The following PLXNA1 variants were observed in gnomAD, a reference collection of about 807,000 sequenced individuals.
PLXNA1 encodes the protein plexin-A1.
Under a neutral mutation model 191.7 loss-of-function variants are expected in PLXNA1, and 77 were observed. That is an observed-to-expected ratio of 0.40 (90% confidence interval 0.33 to 0.49). The LOEUF (loss-of-function observed/expected upper bound fraction) is 0.49, where lower values mean the gene tolerates loss of function less well. Ranked by LOEUF, PLXNA1 falls within the 20% of genes least tolerant of loss-of-function variation. The probability of loss-of-function intolerance (pLI) is 0.63; values close to 1 mark genes in which losing one functional copy is unlikely to be tolerated. For synonymous variants in PLXNA1, 1,137 were observed against 1,156.4 expected (o/e 0.98, Z 0.34); for missense variants, 2,110 against 2,660.2 (o/e 0.79, Z 4.55).
intron 5 of PLXNA1, 61 bp from the exon 6 acceptor site, chr3:127,004,824 G>A (rs953445959): frequency 1.7e-5 from 26 of 1,571,528 alleles, no homozygotes; most frequent in Middle Eastern, 2.1e-4. Context: ...CCCAGGTCCC[G>A]CCTGGCAGGC....
At chr3:127,027,848 G>C (rs754123948) in intron 23 of PLXNA1, 92 bp from the exon 24 acceptor site, 1 of 1,553,466 alleles carries the variant, frequency 6.4e-7, no homozygotes, top group Non-Finnish European at 8.8e-7. Context: ...CTCCTTGCCA[G>C]GAACACCATG....
intron 21 of PLXNA1, 45 bp from the exon 22 acceptor site, chr3:127,022,040 G>A: frequency 8.8e-6 from 14 of 1,587,000 alleles, no homozygotes; most frequent in Non-Finnish European, 1.2e-5. Flanking sequence ...TTGGGGGCTG[G>A]GGCTGGGTGC....
intron 9 of PLXNA1, among the ~76,000 whole-genome samples, chr3:127,011,281 C>T (rs554919483): frequency 1.3e-5 from 2 of 152,262 alleles, no homozygotes; most frequent in African/African-American, 4.8e-5. Flanking sequence ...GTCATCTTGC[C>T]CAGCTGGGCC....
At chr3:127,024,066 G>T (rs972742606) in intron 23 of PLXNA1, among the ~76,000 whole-genome samples, 15 of 152,208 alleles carry the variant, frequency 9.9e-5, no homozygotes, top group African/African-American at 3.4e-4. Context: ...CCTGTAGAAA[G>T]TACAGTTCTA....
In PLXNA1 at chr3:126,989,057, G is replaced by A. The variant is rs1243844299; in HGVS notation, c.464G>A (p.Arg155His). 3.1e-6 allele frequency: 5 copies of A among 1,613,372 alleles called. No homozygotes were observed. The highest frequency in any genetic ancestry group is 4.2e-6 in the Non-Finnish European group (5 of 1,180,020). The change falls in exon 2 of 32, where the codon CGT becomes CAT. Residue 155 changes from arginine to histidine, a missense_variant. Arg to His is a conservative substitution (Grantham distance 29, BLOSUM62 0). This residue lies in a region of PLXNA1 where 903 missense variants were observed against 1,015.7 expected (regional missense o/e 0.89). Coordinates refer to ENST00000393409, the MANE Select transcript of PLXNA1 (RefSeq NM_032242.4). ...DLFKLGEPHH[R>H]KEHYLSSVQE... ...TTCAAACTGGGTGAGCCACACCACC[G>A]TAAGGAGCACTACCTGTCCAGCGTG...
chr3:126,995,536 G>T lies in PLXNA1; in HGVS notation c.1377+3970G>T, dbSNP rs147608205. 3.3e-5 allele frequency among the ~76,000 whole-genome samples: 5 copies of T among 152,388 alleles called. No homozygotes were observed. In the East Asian group the frequency reaches 9.6e-4, roughly 29 times the overall value. On this transcript the variant is annotated intron_variant, in intron 3 of 31. Transcript: ENST00000393409. ...CCTGCTCTGGTCCTGCTGCTGCTGC[G>T]GGGCAAAAGGAGCCAGCCCCTGGCT...
chr3:127,001,172 C>G (rs544453722), intron 3 of PLXNA1, among the ~76,000 whole-genome samples: 4 of 152,274 alleles, frequency 2.6e-5, no homozygotes, highest in Admixed American at 6.5e-5. Context: ...GCACCCCTCA[C>G]CCACCGTTCC....
intron 29 of PLXNA1, among the ~76,000 whole-genome samples, chr3:127,031,279 G>A (rs1319202085): frequency 2.6e-5 from 4 of 152,240 alleles, no homozygotes; most frequent in African/African-American, 4.8e-5. Flanking sequence ...TCCCTGCTGT[G>A]TGTGTGGCCC....
At position 127,022,066 on chromosome 3, in the gene PLXNA1, G is replaced by A. The variant is rs201071513; in HGVS notation, c.4039-19G>A. The A allele has an allele frequency of 1.1e-4, 171 of 1,606,764 alleles. 1 individual carries two copies. In the East Asian group the frequency reaches 3.2e-3, roughly 30 times the overall value. ...GGCTGGGTGCTTCTCTGTGGTCTGA[G>A]CTCTGTGTGCTCCCTCAGGTGCAGG... On this transcript the variant is annotated intron_variant, in intron 21 of 31. Transcript: ENST00000393409.
chr3:127,014,024 C>G lies in PLXNA1; in HGVS notation c.2318C>G (p.Ser773Cys). ...SSLQCQNSSY[S>C]YEGNDVSDLP... Reference sequence around the variant, plus strand: ...GACGGTGCCATCACCTAACAGTACTCCTACGAGGGGAACGATGTCAGCGAC... The same window carrying G: ...GACGGTGCCATCACCTAACAGTACTGCTACGAGGGGAACGATGTCAGCGAC... The change falls in exon 11 of 32, where the codon TCC becomes TGC. Residue 773 changes from serine to cysteine, a missense_variant. By Grantham distance (112) the Ser-to-Cys change is moderately radical. This residue lies in a region of PLXNA1 where 644 missense variants were observed against 714.3 expected (regional missense o/e 0.90). Transcript: ENST00000393409. 2 of 1,613,676 alleles carry G rather than the reference C, an allele frequency of 1.2e-6. 1 individual carries two copies. The highest frequency in any genetic ancestry group is 2.2e-5 in the South Asian group (2 of 91,078).
intron 29 of PLXNA1, 137 bp downstream of exon 29, chr3:127,030,549 G>A (rs958773191): frequency 1.3e-5 from 14 of 1,069,532 alleles, no homozygotes; most frequent in African/African-American, 4.7e-5. Flanking sequence ...GGGGCATGGC[G>A]GGCCAGTCCT....
intron 23 of PLXNA1, among the ~76,000 whole-genome samples, chr3:127,024,583 C>T (rs1006882375): frequency 1.3e-5 from 2 of 152,124 alleles, no homozygotes; most frequent in Middle Eastern, 3.2e-3. Context: ...GGCTTCACAG[C>T]CCATGCCCAT....
At chr3:127,027,901 G>A (rs58791697) in intron 23 of PLXNA1, 39 bp from the exon 24 acceptor site, 29 of 1,610,698 alleles carry the variant, frequency 1.8e-5, no homozygotes, top group African/African-American at 1.5e-4. Flanking sequence ...GGGTAGGCCC[G>A]GGGGTCCTGG....
At chr3:126,983,725 C>T (rs1479617376) in intron 1 of PLXNA1, among the ~76,000 whole-genome samples, 3 of 151,474 alleles carry the variant, frequency 2.0e-5, no homozygotes, top group South Asian at 2.1e-4. Flanking sequence ...CGCGGGGAGG[C>T]CCCTGCGGTG....
intron 8 of PLXNA1, among the ~76,000 whole-genome samples, chr3:127,006,462 G>A (rs1489789800): frequency 6.6e-6 from 1 of 152,218 alleles, no homozygotes; most frequent in Non-Finnish European, 1.5e-5. Flanking sequence ...CAGAGTGGGC[G>A]GCAGTGCCTG....
At chr3:127,027,728 T>G in intron 23 of PLXNA1, 1 of 717,856 alleles carries the variant, frequency 1.4e-6, no homozygotes, top group Admixed American at 2.0e-5. Context: ...TCATGTGATA[T>G]TTGTGGGATG....
intron 3 of PLXNA1, among the ~76,000 whole-genome samples, chr3:127,003,066 C>T (rs555228139): frequency 6.6e-6 from 1 of 152,154 alleles, no homozygotes; most frequent in South Asian, 2.1e-4. Flanking sequence ...GGCCCCAATA[C>T]CTTCTGGCCT....
In PLXNA1 at chr3:127,020,442, C is replaced by G. The variant is rs554816281; in HGVS notation, c.4038+98C>G. 4.1e-4 allele frequency: 599 copies of G among 1,455,536 alleles called. 2 individuals are homozygous for G. Among genetic ancestry groups the G allele is most frequent in the African/African-American group, 5.6e-5 (4 of 71,812 alleles). The allele number at this position is 1,455,536 out of a possible 1,614,324, so 90.2% of individuals were successfully genotyped here. A position where few individuals can be genotyped will look rare whatever the true frequency, so the allele number is the denominator to read the frequency against. On this transcript the variant is annotated intron_variant, in intron 21 of 31. Transcript: ENST00000393409. Reference sequence around the variant, plus strand: ...GGTGCTGATGGATGGTATGGGGCAGCCTGTGTGGCCTGGGGGAGGGTCCAG... The same window carrying G: ...GGTGCTGATGGATGGTATGGGGCAGGCTGTGTGGCCTGGGGGAGGGTCCAG...
chr3:126,983,180 G>A lies in PLXNA1; in HGVS notation c.-181G>A, dbSNP rs1009676111. On this transcript the variant is annotated 5_prime_UTR_variant, in exon 1 of 32. An upstream open reading frame in the 5' UTR gains an earlier in-frame stop. Coordinates refer to ENST00000393409, the MANE Select transcript of PLXNA1 (RefSeq NM_032242.4). ...CCGGGCGCGGCGGCGGCCTCGGCCT[G>A]GGCGGCCTACGCGGCTTCGGCGGCC... Among the ~76,000 whole-genome samples, 2 of 144,808 alleles carry A rather than the reference G, an allele frequency of 1.4e-5. No homozygotes were observed. The highest frequency in any genetic ancestry group is 4.9e-5 in the African/African-American group (2 of 40,454). The allele number at this position is 144,808 out of a possible 152,430, so 95.0% of individuals were successfully genotyped here.
Sources: gnomAD v4.1 joint callset for allele counts (sites outside exome capture counted in the v4.1 genomes callset) on GRCh38, gnomAD v4.1.1 for gene constraint, gnomAD v4.1.1 regional missense constraint, MANE v1.5 for transcripts, NCBI Gene and HGNC (gene_info 2026-07-23, HGNC 2026-07-21) for gene names.